The following CFAP74 variants were observed in gnomAD, a reference collection of about 807,000 sequenced individuals.
The protein encoded by CFAP74 is cilia and flagella associated protein 74.
CFAP74 carries 124 observed loss-of-function variants against 188.9 expected under a neutral mutation model. That is an observed-to-expected ratio of 0.66 (90% CI 0.57 to 0.76). The LOEUF is 0.76. CFAP74 is among the 30% of genes least tolerant of loss of function. The probability of loss-of-function intolerance (pLI) is 0.00; values close to 1 mark genes in which losing one functional copy is unlikely to be tolerated. For synonymous variants in CFAP74, 956 were observed against 916.7 expected (o/e 1.04, Z -0.77); for missense variants, 2,198 against 2,165.2 (o/e 1.02, Z -0.30).
chr1:1,971,518 C>T (rs1656075674), intron 9 of CFAP74, among the ~76,000 whole-genome samples: 1 of 152,260 alleles, frequency 6.6e-6, no homozygotes, highest in Admixed American at 6.5e-5. Context: ...TGTGAGAGAC[C>T]ACTGGCAAAC....
Position 1,924,313 on chromosome 1 carries a change from C to T in CFAP74, c.4234+78G>A. 2.6e-6 allele frequency: 2 copies of T among 779,710 alleles called. 1 individual carries two copies. Among genetic ancestry groups the T allele is most frequent in the South Asian group, 4.3e-5 (2 of 46,176 alleles). 48.3% of individuals were successfully genotyped at this position (779,710 alleles called of 1,614,324 possible). A position where few individuals can be genotyped will look rare whatever the true frequency, so the allele number is the denominator to read the frequency against. On this transcript the variant is annotated intron_variant, in intron 34 of 38. Transcript: ENST00000682832. Reference sequence around the variant, plus strand: ...CAGCCCCCTATCTCACCAACTGTCCCCCTCCAGGCCACTGCCTACTCCCCC... The same window carrying T: ...CAGCCCCCTATCTCACCAACTGTCCTCCTCCAGGCCACTGCCTACTCCCCC...
At chr1:1,993,117 C>G (rs1657689287) in intron 1 of CFAP74, among the ~76,000 whole-genome samples, 1 of 146,800 alleles carries the variant, frequency 6.8e-6, no homozygotes, top group African/African-American at 2.5e-5. Context: ...CCGAGAATTG[C>G]TTGAGCCCAG....
chr1:1,933,854 C>T (rs76611781), intron 25 of CFAP74, among the ~76,000 whole-genome samples: 2 of 152,218 alleles, frequency 1.3e-5, no homozygotes, highest in East Asian at 3.9e-4. Flanking sequence ...TTTCCTAATT[C>T]TTGAAAAGGA....
At position 1,973,915 on chromosome 1, in the gene CFAP74, C is replaced by A; in HGVS notation, c.674+110G>T. On this transcript the variant is annotated intron_variant, in intron 7 of 38. Coordinates refer to ENST00000682832, the MANE Select transcript of CFAP74 (RefSeq NM_001304360.2). The surrounding 1 kb of genome is among the most constrained non-coding windows in gnomAD (Gnocchi z 6.2). ...GAGGCAGGGAGGGGTGGAGGTGGATCTGGACAGATGTGGAGGGCGAGGCTG... is the reference window on the plus strand; with the variant it reads ...GAGGCAGGGAGGGGTGGAGGTGGATATGGACAGATGTGGAGGGCGAGGCTG... 2 of 1,084,560 alleles carry A rather than the reference C, an allele frequency of 1.8e-6. No individual in the cohort carries two copies. Among genetic ancestry groups the A allele is most frequent in the East Asian group, 2.9e-5 (1 of 34,074 alleles). 67.2% of individuals were successfully genotyped at this position (1,084,560 alleles called of 1,614,324 possible).
Position 1,975,351 on chromosome 1 carries a change from G to A in CFAP74, c.501-1153C>T, listed in dbSNP as rs1276469757. ...CGTGTTAATGTCAAGGATTTCTAACGTTGAGCCTTTTTCGGGGCTCCTAGG... is the reference window on the plus strand; with the variant it reads ...CGTGTTAATGTCAAGGATTTCTAACATTGAGCCTTTTTCGGGGCTCCTAGG... On this transcript the variant is annotated intron_variant, in intron 6 of 38. Transcript: ENST00000682832. The surrounding 1 kb of genome is among the most constrained non-coding windows in gnomAD (Gnocchi z 4.5). Among the ~76,000 whole-genome samples the A allele has an allele frequency of 1.3e-5, 2 of 152,132 alleles. No homozygotes were observed. Among genetic ancestry groups the A allele is most frequent in the African/African-American group, 2.4e-5 (1 of 41,406 alleles).
intron 20 of CFAP74, among the ~76,000 whole-genome samples, chr1:1,946,013 CGT>C (rs1558011279): frequency 1.4e-5 from 2 of 145,488 alleles, no homozygotes; most frequent in African/African-American, 2.6e-5. Context: ...TGCGGGACTG[CGT>C]GTGTGCGTGT....
intron 20 of CFAP74, among the ~76,000 whole-genome samples, chr1:1,945,168 A>C (rs1653662516): frequency 6.6e-6 from 1 of 151,964 alleles, no homozygotes; most frequent in Admixed American, 6.6e-5. Flanking sequence ...TTAGCCAGGC[A>C]TGGTGGTGTG....
At chr1:2,002,801 C>T (rs1311961086) in intron 1 of CFAP74, among the ~76,000 whole-genome samples, 2 of 149,138 alleles carry the variant, frequency 1.3e-5, no homozygotes, top group Non-Finnish European at 1.5e-5. Context: ...TATATAACAC[C>T]ACATATATTC....
intron 9 of CFAP74, among the ~76,000 whole-genome samples, chr1:1,971,177 A>C (rs928003638): frequency 6.6e-6 from 1 of 151,418 alleles, no homozygotes; most frequent in Admixed American, 6.6e-5. Flanking sequence ...GCACACCTGC[A>C]CACACGTGCA....
rs1652796407 is a variant in CFAP74 at position 1,935,201 on chromosome 1, G to A, written c.3011+3654C>T. The stretch of plus-strand genomic sequence containing the variant: ...TGGGTGTTAGGTTGTGGGTACACAC[G>A]TGTACGTGGGTGTTGTAGGTACACA... On this transcript the variant is annotated intron_variant, in intron 25 of 38. Transcript: ENST00000682832. Among the ~76,000 whole-genome samples the A allele has an allele frequency of 2.6e-5, 2 of 78,400 alleles. 1 individual carries two copies. The highest frequency in any genetic ancestry group is 3.0e-4 in the Admixed American group (2 of 6,714). The allele number at this position is 78,400 out of a possible 152,430, so 51.4% of individuals were successfully genotyped here.
In CFAP74 at chr1:1,930,240, G is replaced by A; in HGVS notation, c.3108C>T (p.Thr1036=). The A allele has an allele frequency of 6.5e-7, 1 of 1,535,774 alleles. No homozygotes were observed. The highest frequency in any genetic ancestry group is 8.7e-7 in the Non-Finnish European group (1 of 1,146,736). ...TGATGACGTACACTGTAGCCACGGA[G>A]GTGTCGTATAGGGCCGTGGCGGCAA... ...IKFAATALYD[T]SVATVYVINS... The change falls in exon 26 of 39, where the codon ACC becomes ACT. Residue 1036 remains threonine, a synonymous_variant. Coordinates refer to ENST00000682832, the MANE Select transcript of CFAP74 (RefSeq NM_001304360.2).
intron 6 of CFAP74, among the ~76,000 whole-genome samples, chr1:1,981,167 C>T (rs967149061): frequency 2.0e-5 from 3 of 152,240 alleles, no homozygotes; most frequent in Admixed American, 6.5e-5. Flanking sequence ...TGGAAGCCCC[C>T]GTTCCAGAGG....
rs773974855 is a variant in CFAP74, at chr1:1,966,425, C to T, written c.1347G>A (p.Thr449=). ...GCCCAGAGATCTCGGGCTCAGCTAACGTTTCCTCCTCTGAGCTGGCCCCGG... is the reference window on the plus strand; with the variant it reads ...GCCCAGAGATCTCGGGCTCAGCTAATGTTTCCTCCTCTGAGCTGGCCCCGG... ...GDPGASSEEE[T]LAEPEISGLW... Residue 449 remains threonine, a synonymous_variant, in exon 12 of 39, where the codon ACG becomes ACA. Transcript: ENST00000682832. 55 of 1,604,538 alleles carry T rather than the reference C, an allele frequency of 3.4e-5. No individual in the cohort carries two copies. In the Middle Eastern group the frequency reaches 8.3e-4, roughly 24 times the overall value.
rs559543526 is a variant in CFAP74, at chr1:1,927,024, C to T, written c.3532G>A (p.Asp1178Asn). The T allele has an allele frequency of 1.6e-4, 254 of 1,550,206 alleles. No individual in the cohort carries two copies. In the East Asian group the frequency reaches 5.4e-3, roughly 33 times the overall value. The stretch of plus-strand genomic sequence containing the variant: ...GTGGCTCGGGCGGCCTGGTACTCGT[C>T]GGAACTAGAAGGAAGTCAGAGGCTT... ...MRKRELRPSSDEYQAARATLL... is the reference protein window; with the variant it reads ...MRKRELRPSSNEYQAARATLL... The change falls in exon 29 of 39, where the codon GAC becomes AAC. Residue 1178 changes from aspartate (D) to asparagine (N), a missense_variant. By Grantham distance (23) the Asp-to-Asn change is conservative. Transcript: ENST00000682832.
chr1:1,959,086 C>T (rs372851739), intron 16 of CFAP74, 34 bp downstream of exon 16: 171 of 1,504,196 alleles, frequency 1.1e-4, no homozygotes, highest in East Asian at 4.3e-4. Context: ...CAGCATGCCC[C>T]GAGAAATGCT....
chr1:1,927,442 C>G lies in CFAP74; in HGVS notation c.3527+165G>C. On this transcript the variant is annotated intron_variant, in intron 28 of 38. Coordinates refer to ENST00000682832, the MANE Select transcript of CFAP74 (RefSeq NM_001304360.2). ...CCTGGGGAAATGGGGTGGGTAGGTC[C>G]CAGGAAGGCAGCACCTGGATCCAGC... 7 of 696,028 alleles carry G rather than the reference C, an allele frequency of 1.0e-5. No individual in the cohort carries two copies. The South Asian group carries it at 1.2e-4, about 11-fold the overall frequency. 43.1% of individuals were successfully genotyped at this position (696,028 alleles called of 1,614,324 possible). A position where few individuals can be genotyped will look rare whatever the true frequency, so the allele number is the denominator to read the frequency against.
chr1:1,933,252 C>T (rs1316102055), intron 25 of CFAP74, among the ~76,000 whole-genome samples: 5 of 149,142 alleles, frequency 3.4e-5, no homozygotes, highest in Admixed American at 6.7e-5. Flanking sequence ...GGTGCAATCT[C>T]GGCTCACTGC....
intron 4 of CFAP74, among the ~76,000 whole-genome samples, chr1:1,987,293 C>T (rs569812294): frequency 7.2e-5 from 11 of 152,300 alleles, no homozygotes; most frequent in African/African-American, 2.2e-4. Flanking sequence ...GGTGCAGGAG[C>T]GGGAGGGAAC....
intron 18 of CFAP74, among the ~76,000 whole-genome samples, chr1:1,948,933 T>TCC (rs1558014894): frequency 1.8e-5 from 2 of 113,008 alleles, no homozygotes; most frequent in African/African-American, 3.6e-5. Context: ...TCCTTCCTCT[T>TCC]TCCTCCCTTC....
Sources: gnomAD v4.1 joint callset for allele counts (sites outside exome capture counted in the v4.1 genomes callset) on GRCh38, gnomAD v4.1.1 for gene constraint, Gnocchi (gnomAD v3.1) non-coding constraint, MANE v1.5 for transcripts, NCBI Gene and HGNC (gene_info 2026-07-23, HGNC 2026-07-21) for gene names.